Variants in CADM2 observed in about 807,000 individuals in gnomAD.
CADM2 encodes cell adhesion molecule 2, also known as immunoglobulin superfamily member 4D.
CADM2 carries 12 observed loss-of-function variants against 49.8 expected under a neutral mutation model. That is an observed-to-expected ratio of 0.24 (90% CI 0.15 to 0.39). CADM2 has a LOEUF of 0.39. Among genes scored for constraint, CADM2 ranks in the 10% least tolerant of loss-of-function variants. CADM2 has a pLI of 1.00. For missense variants in CADM2, 378 were observed against 492.3 expected (o/e 0.77, Z 2.20); for synonymous variants, 214 against 175.4 (o/e 1.22, Z -1.74).
chr3:85,251,419 G>A (rs1010685703), intron 1 of CADM2, among the ~76,000 whole-genome samples: 1 of 151,800 alleles, frequency 6.6e-6, no homozygotes, highest in African/African-American at 2.4e-5. Context: ...GTGTCACATA[G>A]ACAAGGAACC....
intron 1 of CADM2, among the ~76,000 whole-genome samples, chr3:84,994,005 GCCGAACAT>G (rs373081032): frequency 7.9e-5 from 12 of 152,266 alleles, no homozygotes; most frequent in African/African-American, 2.9e-4. Context: ...CTCAGGACCT[GCCGAACAT>G]CCTTTCAGCA....
chr3:85,582,988 A>C (rs954974892), intron 1 of CADM2, among the ~76,000 whole-genome samples: 2 of 152,194 alleles, frequency 1.3e-5, no homozygotes, highest in African/African-American at 4.8e-5. Context: ...AAAGGTGTTT[A>C]GGACTGAAAG....
rs577604958 is a variant in CADM2, at chr3:85,850,314, CTTTTTTTTTTTT to C, written c.239-32960_239-32949del. ...CTCTCTGTTCTGGTCTGTTGCAATT[CTTTTTTTTTTTT>C]TTTTTTTTTTTTTTTTGAGACAGAG... On this transcript the variant is annotated intron_variant, in intron 3 of 9. Coordinates refer to ENST00000383699, the MANE Select transcript of CADM2 (RefSeq NM_001167675.2). 1.9e-3 allele frequency among the ~76,000 whole-genome samples: 146 copies of C among 76,078 alleles called. 1 individual carries two copies. The highest frequency in any genetic ancestry group is 9.3e-3 in the South Asian group (19 of 2,040). 49.9% of individuals were successfully genotyped at this position (76,078 alleles called of 152,430 possible).
At chr3:85,977,322 C>G (rs1726916088) in intron 8 of CADM2, among the ~76,000 whole-genome samples, 1 of 150,998 alleles carries the variant, frequency 6.6e-6, no homozygotes, top group East Asian at 2.0e-4. Context: ...GGAAATAAAC[C>G]AACATGTTAT....
intron 1 of CADM2, among the ~76,000 whole-genome samples, chr3:85,620,614 A>C (rs2063944332): frequency 6.6e-6 from 1 of 152,122 alleles, no homozygotes; most frequent in African/African-American, 2.4e-5. Flanking sequence ...AGTTACAGAC[A>C]GTATTTTTAA....
chr3:86,044,311 A>T (rs1186161746), intron 8 of CADM2, among the ~76,000 whole-genome samples: 4 of 152,228 alleles, frequency 2.6e-5, no homozygotes, highest in African/African-American at 9.6e-5. Context: ...CAATCTACTC[A>T]TCTGACAAAG....
At chr3:85,098,679 A>C (rs1216143705) in intron 1 of CADM2, among the ~76,000 whole-genome samples, 1 of 152,192 alleles carries the variant, frequency 6.6e-6, no homozygotes, top group Non-Finnish European at 1.5e-5. Flanking sequence ...TGGTTCCAGG[A>C]TCACCCACGT....
chr3:85,314,135 A>G (rs1283281594), intron 1 of CADM2, among the ~76,000 whole-genome samples: 1 of 151,998 alleles, frequency 6.6e-6, no homozygotes, highest in Non-Finnish European at 1.5e-5. Flanking sequence ...TGATCTGCCC[A>G]CCTCGGCCTC....
At chr3:85,742,450 C>T (rs1021076008) in intron 2 of CADM2, among the ~76,000 whole-genome samples, 2 of 152,062 alleles carry the variant, frequency 1.3e-5, no homozygotes, top group South Asian at 2.1e-4. Flanking sequence ...CTCTATTATC[C>T]GCAAGTACAT....
intron 1 of CADM2, among the ~76,000 whole-genome samples, chr3:85,123,179 T>C (rs977063900): frequency 2.0e-5 from 3 of 152,154 alleles, no homozygotes; most frequent in African/African-American, 7.2e-5. Flanking sequence ...ATAAAAAGTT[T>C]CTAGTTAAAT....
intron 1 of CADM2, among the ~76,000 whole-genome samples, chr3:84,989,875 C>T (rs564922832): frequency 5.3e-5 from 8 of 151,756 alleles, no homozygotes; most frequent in Non-Finnish European, 1.0e-4. Flanking sequence ...ATCATTCTTC[C>T]ACCTACAGGT....
intron 7 of CADM2, among the ~76,000 whole-genome samples, chr3:85,944,199 A>G (rs544717077): frequency 1.1e-4 from 17 of 152,250 alleles, no homozygotes; most frequent in Non-Finnish European, 2.2e-4. Flanking sequence ...TGGTAAAGGG[A>G]TCAATTCGAC....
chr3:85,149,553 C>T (rs2039856289), intron 1 of CADM2, among the ~76,000 whole-genome samples: 1 of 151,926 alleles, frequency 6.6e-6, no homozygotes, highest in African/African-American at 2.4e-5. Flanking sequence ...GGTGAAACCC[C>T]GTCTCTACTA....
At chr3:85,618,255 A>T (rs1432671959) in intron 1 of CADM2, among the ~76,000 whole-genome samples, 2 of 152,066 alleles carry the variant, frequency 1.3e-5, no homozygotes, top group Non-Finnish European at 2.9e-5. Flanking sequence ...TACTAATCAG[A>T]GGTACCTTTT....
intron 8 of CADM2, among the ~76,000 whole-genome samples, chr3:86,040,417 T>G (rs1735725009): frequency 6.6e-6 from 1 of 152,236 alleles, no homozygotes; most frequent in East Asian, 1.9e-4. Flanking sequence ...AACCAAGGTA[T>G]GAGAACTATG....
chr3:85,672,602 G>T (rs999148812), intron 1 of CADM2, among the ~76,000 whole-genome samples: 1 of 151,958 alleles, frequency 6.6e-6, no homozygotes, highest in African/African-American at 2.4e-5. Context: ...TTTTGGAAGA[G>T]AAAAAATAAA....
intron 1 of CADM2, among the ~76,000 whole-genome samples, chr3:85,371,678 T>TGTGTAC (rs57023151): frequency 1.5e-5 from 1 of 65,380 alleles, no homozygotes; most frequent in Non-Finnish European, 2.7e-5. Flanking sequence ...TGTGTGTGTG[T>TGTGTAC]ATATATATAT....
intron 8 of CADM2, among the ~76,000 whole-genome samples, chr3:86,046,706 G>A (rs1024932644): frequency 2.0e-5 from 3 of 152,044 alleles, no homozygotes; most frequent in African/African-American, 7.2e-5. Flanking sequence ...ATAGGACTGG[G>A]CTGTGCATTC....
intron 4 of CADM2, 124 bp downstream of exon 4, chr3:85,883,567 C>T: frequency 1.2e-6 from 1 of 823,014 alleles, no homozygotes; most frequent in Non-Finnish European, 1.7e-6. Context: ...TTAATCCTTT[C>T]TCTGCTACAT....
Sources: allele counts gnomAD v4.1 joint callset (sites outside exome capture counted in the v4.1 genomes callset), GRCh38; gene constraint gnomAD v4.1.1; transcripts MANE v1.5; gene names NCBI Gene and HGNC (gene_info 2026-07-23, HGNC 2026-07-21).